POLE: variants seen among roughly 807,000 people sequenced by gnomAD.
POLE encodes the protein DNA polymerase epsilon, catalytic subunit.
Under a neutral mutation model 279.2 loss-of-function variants are expected in POLE, and 188 were observed. That is an observed-to-expected ratio of 0.67 (90% CI 0.60 to 0.76). The LOEUF is 0.76. Among genes scored for constraint, POLE ranks in the 30% least tolerant of loss-of-function variants. The pLI is 0.00. For missense variants in POLE, 2,703 were observed against 3,016.7 expected (o/e 0.90, Z 2.44); for synonymous variants, 1,214 against 1,172.5 (o/e 1.04, Z -0.72).
At chr12:132,648,791 A>T in intron 32 of POLE, 138 bp downstream of exon 32, 2 of 925,162 alleles carry the variant, frequency 2.2e-6, no homozygotes, top group Admixed American at 2.4e-5. Context: ...CTCAGCGCTC[A>T]CACACGTTGT....
In POLE at chr12:132,641,625, T is replaced by G. The variant is rs2138522472; in HGVS notation, c.5378+22A>C. ...GATAAGACCCTTCTATTAGTAACAC[T>G]CCTTCCCAGAGAGGGTGGCACCTGA... is the stretch of plus-strand genomic sequence containing the variant. On this transcript the variant is annotated intron_variant, in intron 39 of 48. Coordinates refer to ENST00000320574, the MANE Select transcript of POLE (RefSeq NM_006231.4). The G allele has an allele frequency of 6.2e-7, 1 of 1,601,540 alleles. No individual in the cohort carries two copies. The highest frequency in any genetic ancestry group is 8.6e-7 in the Non-Finnish European group (1 of 1,168,906).
At chr12:132,673,331 A>G (rs1593072563) in intron 13 of POLE, 54 bp from the exon 14 acceptor site, 2 of 1,317,910 alleles carry the variant, frequency 1.5e-6, no homozygotes, top group East Asian at 4.6e-5. Flanking sequence ...GCCCAGGGTC[A>G]AGTGTGAAGC....
At position 132,675,817 on chromosome 12, in the gene POLE, GAGCC is replaced by G. The variant is rs2043037922; in HGVS notation, c.1021-1_1023del. Reference sequence around the variant, plus strand: ...TGTTCAAACCACCTTTGGATCAGATGAGCCTGAACCCAAGTCACAGCAGTCAGAG... The same window carrying G: ...TGTTCAAACCACCTTTGGATCAGATGTGAACCCAAGTCACAGCAGTCAGAG... On this transcript the variant is annotated splice_acceptor_variant and coding_sequence_variant, in exon 11 of 49. Coordinates refer to ENST00000320574, the MANE Select transcript of POLE (RefSeq NM_006231.4). LOFTEE classifies it high-confidence loss of function. This position sits in a 1 kb window ranked among gnomAD's most constrained non-coding sequence, Gnocchi z 4.3. 6.2e-7 allele frequency: 1 copy of G among 1,612,884 alleles called. No individual in the cohort carries two copies. Among genetic ancestry groups the G allele is most frequent in the Non-Finnish European group, 8.5e-7 (1 of 1,178,960 alleles).
In POLE at chr12:132,680,195, A is replaced by T. The variant is rs2043138065; in HGVS notation, c.313T>A (p.Tyr105Asn). 1 of 1,614,164 alleles carries T rather than the reference A, an allele frequency of 6.2e-7. No homozygotes were observed. The highest frequency in any genetic ancestry group is 8.5e-7 in the Non-Finnish European group (1 of 1,179,968). The change falls in exon 4 of 49, where the codon TAC (tyrosine) becomes AAC (asparagine). Residue 105 changes from tyrosine to asparagine, a missense_variant. This residue lies in a region of POLE where 1,011 missense variants were observed against 1,111.7 expected (regional missense o/e 0.91). Coordinates refer to ENST00000320574, the MANE Select transcript of POLE (RefSeq NM_006231.4). ...KVALPYKPYF[Y>N]IATRKGCERE... ...ACACTCACCTTTCTGGTCGCAATGT[A>T]GAAATACGGTTTATAGGGCAAAGCC... is the stretch of plus-strand genomic sequence containing the variant.
At chr12:132,682,590 T>C (rs2043193236) in intron 1 of POLE, among the ~76,000 whole-genome samples, 2 of 152,184 alleles carry the variant, frequency 1.3e-5, no homozygotes, top group East Asian at 3.8e-4. Context: ...GATGTTATGG[T>C]GAAGTGATAC....
intron 23 of POLE, among the ~76,000 whole-genome samples, chr12:132,662,793 A>T (rs1041502837): frequency 1.3e-5 from 2 of 152,222 alleles, no homozygotes; most frequent in African/African-American, 4.8e-5. Flanking sequence ...AGGAGGCCCC[A>T]GTGGCCCAAG....
At chr12:132,680,542 A>G (rs1410440636) in intron 3 of POLE, 65 bp downstream of exon 3, 4 of 1,281,072 alleles carry the variant, frequency 3.1e-6, no homozygotes, top group Non-Finnish European at 4.6e-6. Context: ...GCCCTCCCTG[A>G]CAGTCACAGA....
intron 29 of POLE, among the ~76,000 whole-genome samples, chr12:132,652,179 C>T (rs2042436192): frequency 6.6e-6 from 1 of 152,120 alleles, no homozygotes; most frequent in South Asian, 2.1e-4. Context: ...TTTCTTGTCA[C>T]AGACTACACA....
At chr12:132,627,928 A>C (rs142021444) in intron 45 of POLE, among the ~76,000 whole-genome samples, 424 of 152,352 alleles carry the variant, frequency 2.8e-3, no homozygotes, top group African/African-American at 9.7e-3. Flanking sequence ...CATTTCACCC[A>C]CAGTAGAACT....
chr12:132,665,471 G>A lies in POLE; in HGVS notation c.2320-21C>T, dbSNP rs773018692. On this transcript the variant is annotated intron_variant, in intron 20 of 48. Coordinates refer to ENST00000320574, the MANE Select transcript of POLE (RefSeq NM_006231.4). ...CACACCTGAGAAGCACATGAACATG[G>A]AGCACCTCACAGATTCTTCCATTTC... The A allele has an allele frequency of 5.8e-5, 92 of 1,594,326 alleles. No individual in the cohort carries two copies. In the South Asian group the frequency reaches 9.3e-4, roughly 16 times the overall value.
chr12:132,642,673 C>A lies in POLE; in HGVS notation c.4785G>T (p.Arg1595Ser), dbSNP rs1259912985. The A allele has an allele frequency of 6.2e-7, 1 of 1,613,796 alleles. No homozygotes were observed. The highest frequency in any genetic ancestry group is 8.5e-7 in the Non-Finnish European group (1 of 1,180,038). Residue 1595 changes from arginine to serine, a missense_variant, in exon 37 of 49, where the codon AGG (arginine) becomes AGT (serine). Physicochemically the swap from Arg to Ser is moderately radical, Grantham distance 110 (BLOSUM62 -1). Transcript: ENST00000320574. ...IAVQSSWELKRLASEIPVLEE... is the reference protein window; with the variant it reads ...IAVQSSWELKSLASEIPVLEE... ...CCAAGACAGGAATTTCACTGGCCAG[C>A]CTCTTCAGCTCCCAGCTGGACTGAA...
intron 16 of POLE, among the ~76,000 whole-genome samples, chr12:132,669,331 G>A (rs1407179576): frequency 2.6e-5 from 4 of 151,998 alleles, no homozygotes; most frequent in South Asian, 4.1e-4. Flanking sequence ...CGTGTGTGGC[G>A]GTGGCACCTG....
At chr12:132,673,298 A>G (rs1159677338) in intron 13 of POLE, 21 bp from the exon 14 acceptor site, 3 of 1,507,192 alleles carry the variant, frequency 2.0e-6, no homozygotes, top group Non-Finnish European at 2.8e-6. Flanking sequence ...AACGCCAGAG[A>G]GCAGGGCCAT....
At chr12:132,683,397 C>T (rs1593092512) in intron 1 of POLE, among the ~76,000 whole-genome samples, 1 of 152,174 alleles carries the variant, frequency 6.6e-6, no homozygotes, top group South Asian at 2.1e-4. Flanking sequence ...CAGATTCTCC[C>T]CCGGGAACCA....
At chr12:132,667,467 C>T in intron 20 of POLE, 36 bp downstream of exon 20, 1 of 1,608,932 alleles carries the variant, frequency 6.2e-7, no homozygotes, top group Non-Finnish European at 8.5e-7. Context: ...AAACTGCCCT[C>T]ACAGAGGCCA....
intron 26 of POLE, 111 bp downstream of exon 26, chr12:132,659,184 C>A: frequency 8.8e-7 from 1 of 1,132,128 alleles, no homozygotes; most frequent in Non-Finnish European, 1.3e-6. Context: ...GACAGGGCAG[C>A]CCTCACCTCT....
intron 26 of POLE, among the ~76,000 whole-genome samples, chr12:132,658,899 A>AAAAAAAAG (rs1565955285): frequency 6.6e-6 from 1 of 151,102 alleles, no homozygotes; most frequent in African/African-American, 2.4e-5. Context: ...AAAAAAAAAA[A>AAAAAAAAG]AAAAAAAAAG....
intron 40 of POLE, 23 bp from the exon 41 acceptor site, chr12:132,638,162 G>A (rs954072052): frequency 5.0e-6 from 8 of 1,611,602 alleles, no homozygotes; most frequent in Admixed American, 3.3e-5. Context: ...TTGAGAGTCC[G>A]TGGTGGAGAC....
chr12:132,635,591 C>A (rs1441723790), intron 42 of POLE, among the ~76,000 whole-genome samples: 2 of 152,276 alleles, frequency 1.3e-5, no homozygotes, highest in Non-Finnish European at 2.9e-5. Flanking sequence ...CCGCTGGAGG[C>A]GCCTTATGCT....
Sources: gnomAD v4.1 joint callset for allele counts (sites outside exome capture counted in the v4.1 genomes callset) on GRCh38, gnomAD v4.1.1 for gene constraint, gnomAD v4.1.1 regional missense constraint, Gnocchi (gnomAD v3.1) non-coding constraint, MANE v1.5 for transcripts, NCBI Gene and HGNC (gene_info 2026-07-23, HGNC 2026-07-21) for gene names.